The following NPAS3 variants were observed in gnomAD, a reference collection of about 807,000 sequenced individuals.
NPAS3 encodes the protein neuronal PAS domain-containing protein 3.
NPAS3 carries 14 observed loss-of-function variants against 73.1 expected under a neutral mutation model. The observed-to-expected ratio is 0.19, with a 90% CI of 0.13 to 0.30. The LOEUF (loss-of-function observed/expected upper bound fraction) is 0.30. Among genes scored for constraint, NPAS3 ranks in the 10% least tolerant of loss-of-function variants. NPAS3 has a pLI of 1.00. For synonymous variants in NPAS3, 620 were observed against 541.5 expected (o/e 1.14, Z -2.01); for missense variants, 1,096 against 1,250.0 (o/e 0.88, Z 1.86).
intron 6 of NPAS3, among the ~76,000 whole-genome samples, chr14:33,687,791 G>A (rs897310668): frequency 1.1e-4 from 16 of 152,032 alleles, no homozygotes; most frequent in African/African-American, 2.4e-4. Flanking sequence ...GAATGCATGC[G>A]CCAGGCTTTG....
At chr14:33,324,383 T>C (rs1160724160) in intron 3 of NPAS3, among the ~76,000 whole-genome samples, 1 of 152,188 alleles carries the variant, frequency 6.6e-6, no homozygotes, top group East Asian at 1.9e-4. Flanking sequence ...ACAATAGCAA[T>C]AACAAAGTCT....
chr14:33,108,225 G>A (rs1035888991), intron 2 of NPAS3, among the ~76,000 whole-genome samples: 7 of 138,604 alleles, frequency 5.1e-5, no homozygotes, highest in African/African-American at 8.1e-5. Context: ...ATGGAATCTC[G>A]TTCTGTTGCC....
At chr14:33,467,793 T>C (rs1156892586) in intron 4 of NPAS3, among the ~76,000 whole-genome samples, 1 of 152,210 alleles carries the variant, frequency 6.6e-6, no homozygotes, top group Non-Finnish European at 1.5e-5. Context: ...CTAATGATTT[T>C]CTGTGTTCAG....
intron 2 of NPAS3, among the ~76,000 whole-genome samples, chr14:33,116,730 T>TC (rs2043077011): frequency 8.0e-6 from 1 of 125,450 alleles, no homozygotes; most frequent in East Asian, 2.4e-4. Flanking sequence ...TGTTATCCCC[T>TC]CCCCACCCAC....
chr14:32,976,305 C>A (rs982465104), intron 1 of NPAS3, among the ~76,000 whole-genome samples: 67 of 152,230 alleles, frequency 4.4e-4, no homozygotes, highest in African/African-American at 1.6e-3. Context: ...AATCTGAGGT[C>A]TCTGAAGTGC....
At chr14:33,688,281 ACTGG>A (rs1555313882) in intron 6 of NPAS3, among the ~76,000 whole-genome samples, 1 of 152,232 alleles carries the variant, frequency 6.6e-6, no homozygotes, top group Non-Finnish European at 1.5e-5. Flanking sequence ...ACGTGTTCTC[ACTGG>A]AAATTGACAA....
chr14:33,580,809 C>A (rs2056636682), intron 5 of NPAS3, among the ~76,000 whole-genome samples: 1 of 146,050 alleles, frequency 6.8e-6, no homozygotes, highest in Admixed American at 6.8e-5. Flanking sequence ...CACCCCCCTA[C>A]CCCAGGGTGG....
chr14:33,493,097 A>G (rs899663062), intron 4 of NPAS3, among the ~76,000 whole-genome samples: 4 of 152,270 alleles, frequency 2.6e-5, no homozygotes, highest in South Asian at 4.1e-4. Flanking sequence ...CGCAAAAACC[A>G]TCTGGTTCTC....
chr14:33,302,517 G>T (rs1027249797), intron 3 of NPAS3, among the ~76,000 whole-genome samples: 1 of 152,218 alleles, frequency 6.6e-6, no homozygotes, highest in African/African-American at 2.4e-5. Context: ...AGTGTGAAAA[G>T]TCGTTGATGA....
intron 1 of NPAS3, among the ~76,000 whole-genome samples, chr14:32,968,222 A>G (rs2037266974): frequency 6.6e-6 from 1 of 152,164 alleles, no homozygotes; most frequent in South Asian, 2.1e-4. Flanking sequence ...TAGCTAGAAG[A>G]GAGGATTTTG....
chr14:33,139,535 A>G (rs2043966634), intron 2 of NPAS3, among the ~76,000 whole-genome samples: 1 of 152,086 alleles, frequency 6.6e-6, no homozygotes, highest in Non-Finnish European at 1.5e-5. Context: ...GTGGTTTCTT[A>G]AATTATTTTT....
At chr14:33,480,548 C>A (rs1339394956) in intron 4 of NPAS3, among the ~76,000 whole-genome samples, 1 of 69,522 alleles carries the variant, frequency 1.4e-5, no homozygotes, top group Admixed American at 1.3e-4. Flanking sequence ...CCGCCCCCAC[C>A]CTTCCTCCCT....
chr14:33,154,471 T>A (rs940760564), intron 2 of NPAS3, among the ~76,000 whole-genome samples: 2 of 152,212 alleles, frequency 1.3e-5, no homozygotes, highest in Non-Finnish European at 2.9e-5. Flanking sequence ...GCTTCGTGGT[T>A]TATAGGTCAC....
intron 2 of NPAS3, among the ~76,000 whole-genome samples, chr14:33,092,332 A>G (rs1397666482): frequency 6.6e-6 from 1 of 152,194 alleles, no homozygotes; most frequent in African/African-American, 2.4e-5. Context: ...ATAACAGACA[A>G]ACAGAGAGGC....
chr14:33,688,448 A>C (rs972645982), intron 6 of NPAS3, among the ~76,000 whole-genome samples: 4 of 152,120 alleles, frequency 2.6e-5, no homozygotes, highest in Admixed American at 2.6e-4. Context: ...AGCACTGTAC[A>C]TGATCTTGTT....
intron 3 of NPAS3, among the ~76,000 whole-genome samples, chr14:33,362,454 ATTC>A (rs1190198901): frequency 6.6e-6 from 1 of 152,178 alleles, no homozygotes; most frequent in Non-Finnish European, 1.5e-5. Flanking sequence ...GCTAATTGAG[ATTC>A]TTCAAGGGAA....
intron 5 of NPAS3, among the ~76,000 whole-genome samples, chr14:33,587,173 C>G (rs376534968): frequency 3.9e-5 from 6 of 152,244 alleles, no homozygotes; most frequent in African/African-American, 1.4e-4. Flanking sequence ...TCCCAAATAA[C>G]TTTAGTCTGT....
At chr14:33,436,797 C>T (rs1278919290) in intron 4 of NPAS3, among the ~76,000 whole-genome samples, 1 of 152,176 alleles carries the variant, frequency 6.6e-6, no homozygotes, top group African/African-American at 2.4e-5. Context: ...AATTCAGATG[C>T]ATACATGGAA....
intron 6 of NPAS3, among the ~76,000 whole-genome samples, chr14:33,730,966 C>T (rs1004764277): frequency 1.3e-5 from 2 of 152,214 alleles, no homozygotes; most frequent in Non-Finnish European, 2.9e-5. Context: ...CATGTCTTAA[C>T]AACCTATGGC....
Sources: gnomAD v4.1 joint callset for allele counts (sites outside exome capture counted in the v4.1 genomes callset) on GRCh38, gnomAD v4.1.1 for gene constraint, MANE v1.5 for transcripts, NCBI Gene and HGNC (gene_info 2026-07-23, HGNC 2026-07-21) for gene names.